The following EPG5 variants were observed in gnomAD, a reference collection of about 807,000 sequenced individuals.
EPG5 encodes the protein ectopic P granules protein 5 homolog.
Under a neutral mutation model 302.7 loss-of-function variants are expected in EPG5, and 159 were observed. The ratio of observed to expected loss-of-function variants is 0.53; its 90% CI spans 0.46 to 0.60. The LOEUF (loss-of-function observed/expected upper bound fraction) is 0.60. Among genes scored for constraint, EPG5 ranks in the 20% least tolerant of loss-of-function variants. The pLI is 0.00. For missense variants in EPG5, 2,896 were observed against 3,092.4 expected, an observed-to-expected ratio of 0.94 and a Z score of 1.51; for synonymous variants, 1,158 against 1,136.8, an observed-to-expected ratio of 1.02 and a Z score of -0.37.
At chr18:45,865,507 G>A (rs889340401) in intron 39 of EPG5, 108 bp downstream of exon 39, 2 of 1,219,402 alleles carry the variant, frequency 1.6e-6, no homozygotes, top group Admixed American at 2.0e-5. Flanking sequence ...TTGCTTCTCT[G>A]GAAAGAGGAG....
intron 21 of EPG5, among the ~76,000 whole-genome samples, chr18:45,913,353 T>C (rs1303835837): frequency 2.6e-5 from 4 of 152,114 alleles, no homozygotes; most frequent in South Asian, 2.1e-4. Flanking sequence ...TTTCAAAAAA[T>C]AACCTCCTTG....
At chr18:45,860,902 A>T (rs899629253) in intron 39 of EPG5, among the ~76,000 whole-genome samples, 1 of 152,242 alleles carries the variant, frequency 6.6e-6, no homozygotes, top group Non-Finnish European at 1.5e-5. Flanking sequence ...AAAGTAAACC[A>T]ACTGGTAATT....
chr18:45,858,759 A>T lies in EPG5; in HGVS notation c.7033T>A (p.Trp2345Arg). ...TGAAGGGATACCAGAATGGGTCCCCATCCTGAATTCTGATTGAGAGGGCCT... is the reference window on the plus strand; with the variant it reads ...TGAAGGGATACCAGAATGGGTCCCCTTCCTGAATTCTGATTGAGAGGGCCT... ...KESPLNQNSGWGPILVSLQVP... is the reference protein window; with the variant it reads ...KESPLNQNSGRGPILVSLQVP... Residue 2345 changes from tryptophan to arginine, a missense_variant, in exon 41 of 44, where the codon TGG becomes AGG. Around this residue, in one of 5 missense-constraint regions of EPG5, gnomAD observed 620 missense variants for 704.2 expected, o/e 0.88. Transcript: ENST00000282041. The T allele has an allele frequency of 6.2e-7, 1 of 1,614,108 alleles. No homozygotes were observed. Among genetic ancestry groups the T allele is most frequent in the Non-Finnish European group, 8.5e-7 (1 of 1,179,916 alleles).
intron 36 of EPG5, among the ~76,000 whole-genome samples, chr18:45,869,050 G>T (rs537515625): frequency 1.5e-5 from 2 of 137,912 alleles, no homozygotes; most frequent in African/African-American, 2.6e-5. Flanking sequence ...GCAAGACTCC[G>T]TCTCAAAAAA....
chr18:45,831,631 A>T, the EPG5 span, among the ~76,000 whole-genome samples: 2 of 152,368 alleles, frequency 1.3e-5, no homozygotes, highest in African/African-American at 4.8e-5. Context: ...TACATGAATG[A>T]ATAAATGAAG....
chr18:45,857,633 T>C (rs1568093765), intron 42 of EPG5: 3 of 516,374 alleles, frequency 5.8e-6, no homozygotes, highest in Non-Finnish European at 6.9e-6. Context: ...ACTGTTTGAA[T>C]TGAAAATTTT....
intron 13 of EPG5, among the ~76,000 whole-genome samples, chr18:45,927,605 C>T (rs1052010013): frequency 2.7e-5 from 4 of 150,344 alleles, no homozygotes; most frequent in Admixed American, 1.3e-4. Flanking sequence ...CACACACACA[C>T]ACACACACAC....
intron 31 of EPG5, among the ~76,000 whole-genome samples, chr18:45,881,031 C>T (rs576444888): frequency 5.3e-5 from 8 of 152,248 alleles, no homozygotes; most frequent in South Asian, 2.1e-4. Flanking sequence ...GGGAAAACAA[C>T]GGGCTCACCC....
intron 26 of EPG5, among the ~76,000 whole-genome samples, chr18:45,900,227 C>T (rs996196783): frequency 6.6e-6 from 1 of 151,968 alleles, no homozygotes; most frequent in African/African-American, 2.4e-5. Flanking sequence ...ACAGTGAAAC[C>T]CCATCTCTAC....
At chr18:45,853,570 C>G (rs991043494) in intron 43 of EPG5, among the ~76,000 whole-genome samples, 2 of 152,234 alleles carry the variant, frequency 1.3e-5, no homozygotes, top group African/African-American at 4.8e-5. Flanking sequence ...GTGCCCCACT[C>G]CCTCCTTGTC....
At chr18:45,867,442 T>G (rs916578648) in intron 37 of EPG5, 121 bp downstream of exon 37, 3 of 772,132 alleles carry the variant, frequency 3.9e-6, no homozygotes, top group African/African-American at 1.7e-5. Context: ...ACATCTCATA[T>G]GCCAAGCATC....
At chr18:45,862,197 T>TA (rs1249787278) in intron 39 of EPG5, among the ~76,000 whole-genome samples, 12 of 152,242 alleles carry the variant, frequency 7.9e-5, no homozygotes, top group Non-Finnish European at 1.5e-4. Flanking sequence ...TATTGTCTTA[T>TA]ACAGTCAGAT....
chr18:45,858,743 A>G lies in EPG5; in HGVS notation c.7049T>C (p.Val2350Ala). 1 of 1,614,212 alleles carries G rather than the reference A, an allele frequency of 6.2e-7. No individual in the cohort carries two copies. Among genetic ancestry groups the G allele is most frequent in the Non-Finnish European group, 8.5e-7 (1 of 1,180,024 alleles). Residue 2350 changes from valine to alanine, a missense_variant, in exon 41 of 44, where the codon GTA becomes GCA. Val to Ala is a moderately conservative substitution (Grantham distance 64). Around this residue, in one of 5 missense-constraint regions of EPG5, gnomAD observed 620 missense variants for 704.2 expected, o/e 0.88. Coordinates refer to ENST00000282041, the MANE Select transcript of EPG5 (RefSeq NM_020964.3). ...GGTGAGCTCGGGAACCTGAAGGGAT[A>G]CCAGAATGGGTCCCCATCCTGAATT... ...NQNSGWGPIL[V>A]SLQVPELTME...
chr18:45,841,705 AGAG>A, the EPG5 span, among the ~76,000 whole-genome samples: 11 of 152,184 alleles, frequency 7.2e-5, no homozygotes, highest in African/African-American at 1.7e-4. Flanking sequence ...GATAAAGACA[AGAG>A]GAGAAGAGAG....
At chr18:45,925,000 G>A (rs770734872) in intron 14 of EPG5, among the ~76,000 whole-genome samples, 2 of 152,202 alleles carry the variant, frequency 1.3e-5, no homozygotes, top group African/African-American at 4.8e-5. Context: ...ACAGCCAGAA[G>A]GTGGCAGAAC....
chr18:45,923,733 A>C (rs1166071072), intron 14 of EPG5, among the ~76,000 whole-genome samples: 3 of 152,228 alleles, frequency 2.0e-5, no homozygotes, highest in Non-Finnish European at 4.4e-5. Flanking sequence ...AAACAGAAAA[A>C]TATTTAATGA....
chr18:45,861,503 T>C (rs1205614706), intron 39 of EPG5, among the ~76,000 whole-genome samples: 2 of 152,202 alleles, frequency 1.3e-5, no homozygotes, highest in Non-Finnish European at 2.9e-5. Context: ...TGAAGATCTT[T>C]CCAGAACACC....
the EPG5 span, among the ~76,000 whole-genome samples, chr18:45,805,119 T>A: frequency 2.0e-5 from 3 of 152,038 alleles, no homozygotes; most frequent in African/African-American, 4.8e-5. Context: ...TAAATTAAAC[T>A]GGAATTCTAA....
Position 45,948,554 on chromosome 18 carries a change from G to A in EPG5, c.1520C>T (p.Ser507Leu), listed in dbSNP as rs751505829. 5 of 1,613,760 alleles carry A rather than the reference G, an allele frequency of 3.1e-6. No homozygotes were observed. The highest frequency in any genetic ancestry group is 2.2e-5 in the South Asian group (2 of 91,076). Residue 507 changes from serine (S) to leucine (L), a missense_variant, in exon 6 of 44, where the codon TCA (serine) becomes TTA (leucine). Coordinates refer to ENST00000282041, the MANE Select transcript of EPG5 (RefSeq NM_020964.3). Reference sequence around the variant, plus strand: ...GGATTGCATAAAATGAAAGACCCCTGATGGGTTATGCAACACTTTGATCTG... The same window carrying A: ...GGATTGCATAAAATGAAAGACCCCTAATGGGTTATGCAACACTTTGATCTG... ...FIQIKVLHNP[S>L]GVFHFMQSLA...
Sources: allele counts gnomAD v4.1 joint callset (sites outside exome capture counted in the v4.1 genomes callset), GRCh38; gene constraint gnomAD v4.1.1; regional missense constraint gnomAD v4.1.1; transcripts MANE v1.5; gene names NCBI Gene and HGNC (gene_info 2026-07-23, HGNC 2026-07-21).